The following SLC6A11 variants were observed in gnomAD, a reference collection of about 807,000 sequenced individuals.
The protein encoded by SLC6A11 is sodium- and chloride-dependent GABA transporter 3.
Under a neutral mutation model 74.8 loss-of-function variants are expected in SLC6A11, and 25 were observed. The observed-to-expected ratio is 0.33, with a 90% CI of 0.24 to 0.47. SLC6A11 has a LOEUF of 0.47. Among genes scored for constraint, SLC6A11 ranks in the 20% least tolerant of loss-of-function variants. The pLI is 1.00. For synonymous variants in SLC6A11, 330 were observed against 330.2 expected (o/e 1.00, Z 0.01); for missense variants, 574 against 837.0 (o/e 0.69, Z 3.88).
At chr3:10,871,193 T>G (rs944035199) in intron 5 of SLC6A11, among the ~76,000 whole-genome samples, 1 of 152,204 alleles carries the variant, frequency 6.6e-6, no homozygotes, top group Non-Finnish European at 1.5e-5. Flanking sequence ...AGTGACCCTC[T>G]TAATGACACC....
At chr3:10,856,934 A>G (rs1374819453) in intron 5 of SLC6A11, among the ~76,000 whole-genome samples, 1 of 152,190 alleles carries the variant, frequency 6.6e-6, no homozygotes, top group Admixed American at 6.5e-5. Flanking sequence ...TATAAGGCTC[A>G]AGTGAGGCGA....
chr3:10,846,348 T>C (rs960965952), intron 5 of SLC6A11, among the ~76,000 whole-genome samples: 9 of 152,186 alleles, frequency 5.9e-5, no homozygotes, highest in Non-Finnish European at 1.3e-4. Context: ...ATTACTACTT[T>C]TGCTGTGGTT....
intron 9 of SLC6A11, among the ~76,000 whole-genome samples, chr3:10,927,018 C>A (rs183394736): frequency 1.3e-5 from 2 of 152,312 alleles, no homozygotes; most frequent in African/African-American, 2.4e-5. Flanking sequence ...GGGAGACACA[C>A]CCAGCCCAGC....
At chr3:10,873,455 G>C (rs796314244) in intron 5 of SLC6A11, among the ~76,000 whole-genome samples, 23 of 57,338 alleles carry the variant, frequency 4.0e-4, no homozygotes, top group African/African-American at 9.4e-4. Flanking sequence ...CTATCCTATG[G>C]CATGCTATCC....
At chr3:10,839,331 C>A (rs1694408066) in intron 4 of SLC6A11, among the ~76,000 whole-genome samples, 1 of 152,194 alleles carries the variant, frequency 6.6e-6, no homozygotes, top group African/African-American at 2.4e-5. Flanking sequence ...CTCTCATCTG[C>A]CCCTGACCCA....
At chr3:10,870,395 G>C (rs994919643) in intron 5 of SLC6A11, among the ~76,000 whole-genome samples, 5 of 152,206 alleles carry the variant, frequency 3.3e-5, no homozygotes, top group Non-Finnish European at 7.3e-5. Context: ...TTTCATCCCA[G>C]CTGATTATGG....
intron 5 of SLC6A11, among the ~76,000 whole-genome samples, chr3:10,871,420 A>T (rs1400275391): frequency 6.6e-6 from 1 of 152,180 alleles, no homozygotes; most frequent in Non-Finnish European, 1.5e-5. Context: ...CAGCTCCTGG[A>T]CATTCTGGAT....
At position 10,846,421 on chromosome 3, in the gene SLC6A11, G is replaced by C. The variant is rs182320510; in HGVS notation, c.756+2075G>C. 2.6e-3 allele frequency among the ~76,000 whole-genome samples: 398 copies of C among 152,286 alleles called. 1 individual carries two copies. Among genetic ancestry groups the C allele is most frequent in the Non-Finnish European group, 4.4e-3 (299 of 68,028 alleles). On this transcript the variant is annotated intron_variant, in intron 5 of 13. Coordinates refer to ENST00000254488, the MANE Select transcript of SLC6A11 (RefSeq NM_014229.3). The stretch of plus-strand genomic sequence containing the variant: ...TTGGCGGGGTGGTGGCTGTGCATGG[G>C]TGCAGGAGAGGTTGCCTGCACAAGG...
At chr3:10,839,171 G>A (rs1036825283) in intron 4 of SLC6A11, among the ~76,000 whole-genome samples, 11 of 151,844 alleles carry the variant, frequency 7.2e-5, no homozygotes, top group African/African-American at 1.2e-4. Context: ...CATCTCTTTC[G>A]GGTGAACTAG....
intron 6 of SLC6A11, among the ~76,000 whole-genome samples, chr3:10,909,744 G>A (rs933488918): frequency 1.3e-5 from 2 of 152,166 alleles, no homozygotes; most frequent in Admixed American, 6.5e-5. Flanking sequence ...TTTTTGCTTC[G>A]CCATGTGGCT....
chr3:10,929,834 C>T (rs939100286), intron 10 of SLC6A11, among the ~76,000 whole-genome samples: 1 of 152,128 alleles, frequency 6.6e-6, no homozygotes, highest in African/African-American at 2.4e-5. Flanking sequence ...TCTCATTGTC[C>T]CTGCTGGGCT....
intron 6 of SLC6A11, among the ~76,000 whole-genome samples, chr3:10,878,075 C>T (rs545237546): frequency 1.3e-5 from 2 of 152,302 alleles, no homozygotes; most frequent in South Asian, 4.1e-4. Flanking sequence ...TAGGCCACTC[C>T]CCACCCAGCA....
At chr3:10,849,016 C>G (rs1333260258) in intron 5 of SLC6A11, among the ~76,000 whole-genome samples, 1 of 152,200 alleles carries the variant, frequency 6.6e-6, no homozygotes, top group African/African-American at 2.4e-5. Flanking sequence ...AGATTGAACA[C>G]AAATGCATTG....
intron 6 of SLC6A11, among the ~76,000 whole-genome samples, chr3:10,890,597 G>A (rs1030405926): frequency 5.3e-5 from 8 of 152,144 alleles, no homozygotes; most frequent in African/African-American, 1.2e-4. Context: ...CACAAATTCC[G>A]CTCTAAATCC....
At chr3:10,929,173 G>C (rs1159899506) in intron 9 of SLC6A11, 29 bp from the exon 10 acceptor site, 1 of 1,611,610 alleles carries the variant, frequency 6.2e-7, no homozygotes, top group African/African-American at 1.3e-5. Flanking sequence ...TTGTCCTTGA[G>C]TTTCACACCA....
intron 6 of SLC6A11, among the ~76,000 whole-genome samples, chr3:10,884,807 G>A (rs1695023479): frequency 6.6e-6 from 1 of 152,138 alleles, no homozygotes; most frequent in South Asian, 2.1e-4. Context: ...CCTCTGAGAG[G>A]GAGGCCTGTT....
Position 10,883,195 on chromosome 3 carries a change from C to T in SLC6A11, c.891+8100C>T, listed in dbSNP as rs553063297. On this transcript the variant is annotated intron_variant, in intron 6 of 13. Transcript: ENST00000254488. ...CCCCCAGCAATTTGCATTCCGTGGT[C>T]TGTTATAATTTTCTAAACATTTGTT... 1.1e-4 allele frequency among the ~76,000 whole-genome samples: 16 copies of T among 152,338 alleles called. 1 individual carries two copies. The South Asian group carries it at 3.3e-3, about 32-fold the overall frequency.
intron 6 of SLC6A11, among the ~76,000 whole-genome samples, chr3:10,897,099 T>C (rs1466251849): frequency 1.3e-5 from 2 of 152,152 alleles, no homozygotes; most frequent in African/African-American, 2.4e-5. Flanking sequence ...ACTTATTCAC[T>C]ACCATGAGAA....
In SLC6A11 at chr3:10,915,750, CTCTGTCTCTCCT is replaced by C. The variant is rs746643399; in HGVS notation, c.996-2567_996-2556del. On this transcript the variant is annotated intron_variant, in intron 7 of 13. Coordinates refer to ENST00000254488, the MANE Select transcript of SLC6A11 (RefSeq NM_014229.3). The surrounding 1 kb of genome is among the most constrained non-coding windows in gnomAD (Gnocchi z 4.3). ...GGGACCTCAGGTCCCTAAAGAGCTT[CTCTGTCTCTCCT>C]TCTGTCTCTCCATAATGTGAGGAAG... Among the ~76,000 whole-genome samples, 1 of 152,176 alleles carries C rather than the reference CTCTGTCTCTCCT, an allele frequency of 6.6e-6. No individual in the cohort carries two copies. Among genetic ancestry groups the C allele is most frequent in the Non-Finnish European group, 1.5e-5 (1 of 68,034 alleles).
Sources: allele counts gnomAD v4.1 joint callset (sites outside exome capture counted in the v4.1 genomes callset), GRCh38; gene constraint gnomAD v4.1.1; non-coding constraint Gnocchi (gnomAD v3.1); transcripts MANE v1.5; gene names NCBI Gene and HGNC (gene_info 2026-07-23, HGNC 2026-07-21).